The following DLGAP1 variants were observed in gnomAD, a reference collection of about 807,000 sequenced individuals.
DLGAP1 encodes disks large-associated protein 1.
Under a neutral mutation model 90.8 loss-of-function variants are expected in DLGAP1, and 11 were observed. The observed-to-expected ratio is 0.12, with a 90% CI of 0.08 to 0.20. The LOEUF (loss-of-function observed/expected upper bound fraction) is 0.20, where lower values mean the gene tolerates loss of function less well. Among genes scored for constraint, DLGAP1 ranks in the 10% least tolerant of loss-of-function variants. DLGAP1 has a pLI of 1.00. For synonymous variants in DLGAP1, 558 were observed against 540.7 expected (o/e 1.03, Z -0.44); for missense variants, 1,050 against 1,333.8 (o/e 0.79, Z 3.31).
chr18:4,096,176 C>T (rs1568394236), intron 2 of DLGAP1, among the ~76,000 whole-genome samples: 1 of 152,098 alleles, frequency 6.6e-6, no homozygotes, highest in East Asian at 1.9e-4. Context: ...CAGGTGTGTG[C>T]CACTACGCTT....
At chr18:4,307,667 C>T (rs1014638286) in intron 1 of DLGAP1, among the ~76,000 whole-genome samples, 17 of 151,870 alleles carry the variant, frequency 1.1e-4, no homozygotes, top group African/African-American at 4.1e-4. Context: ...GCACTCTGCC[C>T]CGCCAGCACT....
chr18:4,091,899 T>C (rs907504781), intron 2 of DLGAP1, among the ~76,000 whole-genome samples: 1 of 152,180 alleles, frequency 6.6e-6, no homozygotes, highest in African/African-American at 2.4e-5. Context: ...ATGTTTTTTT[T>C]TTTCCACATG....
rs2082570642 is a variant in DLGAP1, at chr18:4,402,208, T to C, written c.-267+52798A>G. On this transcript the variant is annotated intron_variant, in intron 1 of 12. Transcript: ENST00000315677. ...ACCTAATCAGAAGTCAATGTCTTCA[T>C]GTAATCTAGCTATGATAATATTAAC... 5.3e-5 allele frequency among the ~76,000 whole-genome samples: 8 copies of C among 152,214 alleles called. 1 individual carries two copies. The South Asian group carries it at 1.2e-3, about 24-fold the overall frequency.
intron 1 of DLGAP1, among the ~76,000 whole-genome samples, chr18:4,305,552 GGAAAAA>G (rs1478072763): frequency 2.2e-4 from 32 of 142,526 alleles, no homozygotes; most frequent in African/African-American, 7.8e-4. Flanking sequence ...AAAAAAAAAA[GGAAAAA>G]GAAAAAGAAA....
chr18:4,211,382 T>C (rs2077837319), intron 1 of DLGAP1, among the ~76,000 whole-genome samples: 1 of 152,202 alleles, frequency 6.6e-6, no homozygotes, highest in South Asian at 2.1e-4. Flanking sequence ...TGAATATGTA[T>C]GAACTCTTTT....
At chr18:4,392,667 A>G (rs1335010307) in intron 1 of DLGAP1, among the ~76,000 whole-genome samples, 2 of 152,198 alleles carry the variant, frequency 1.3e-5, no homozygotes, top group Non-Finnish European at 2.9e-5. Flanking sequence ...ATAACTGTAC[A>G]GTCTACAGTG....
intron 4 of DLGAP1, among the ~76,000 whole-genome samples, chr18:3,878,479 C>T (rs976518201): frequency 1.3e-5 from 2 of 152,116 alleles, no homozygotes; most frequent in Non-Finnish European, 2.9e-5. Context: ...TTTTCCTCCT[C>T]CTCTCTGTTG....
chr18:4,133,354 C>A (rs1458737163), intron 2 of DLGAP1, among the ~76,000 whole-genome samples: 2 of 152,174 alleles, frequency 1.3e-5, no homozygotes, highest in Non-Finnish European at 2.9e-5. Flanking sequence ...ATCCATTCAC[C>A]ATTTGCCTAT....
At chr18:4,209,036 C>T (rs189723041) in intron 1 of DLGAP1, among the ~76,000 whole-genome samples, 69 of 152,176 alleles carry the variant, frequency 4.5e-4, no homozygotes, top group Non-Finnish European at 7.1e-4. Context: ...CAGGTGAGGC[C>T]GGGTGGAAAG....
At chr18:4,160,022 C>T (rs868093629) in intron 1 of DLGAP1, among the ~76,000 whole-genome samples, 7 of 152,260 alleles carry the variant, frequency 4.6e-5, no homozygotes, top group South Asian at 2.1e-4. Flanking sequence ...ACAGAAAGTG[C>T]GTAATGACTC....
intron 2 of DLGAP1, among the ~76,000 whole-genome samples, chr18:4,074,242 TA>T (rs1208732156): frequency 6.6e-6 from 1 of 152,126 alleles, no homozygotes; most frequent in East Asian, 1.9e-4. Context: ...TGTGCATCAG[TA>T]AATTTTTTTG....
chr18:4,447,592 G>A (rs2083699545), intron 1 of DLGAP1, among the ~76,000 whole-genome samples: 1 of 152,034 alleles, frequency 6.6e-6, no homozygotes, highest in Non-Finnish European at 1.5e-5. Context: ...CCATCTGGGT[G>A]GTGGACACAA....
chr18:4,230,298 G>A (rs1288141667), intron 1 of DLGAP1, among the ~76,000 whole-genome samples: 2 of 152,046 alleles, frequency 1.3e-5, no homozygotes, highest in Non-Finnish European at 2.9e-5. Context: ...TGCAAAGAAA[G>A]TGAATTCGTA....
chr18:4,326,746 T>C (rs1200075573), intron 1 of DLGAP1, among the ~76,000 whole-genome samples: 2 of 151,936 alleles, frequency 1.3e-5, no homozygotes, highest in African/African-American at 2.4e-5. Context: ...CAAACTAACA[T>C]AGGGACAGAA....
chr18:3,974,574 C>T (rs1329247879), intron 3 of DLGAP1, among the ~76,000 whole-genome samples: 1 of 152,184 alleles, frequency 6.6e-6, no homozygotes, highest in Non-Finnish European at 1.5e-5. Context: ...AGCATGGCCA[C>T]TGTTTGCTTT....
chr18:3,674,606 C>G (rs1045946181), intron 7 of DLGAP1, among the ~76,000 whole-genome samples: 2 of 144,816 alleles, frequency 1.4e-5, no homozygotes, highest in African/African-American at 5.7e-5. Context: ...GGTGACAGAG[C>G]AAGACCCTAT....
chr18:4,166,503 T>A (rs192587511), intron 1 of DLGAP1, among the ~76,000 whole-genome samples: 2 of 152,266 alleles, frequency 1.3e-5, no homozygotes, highest in East Asian at 3.9e-4. Flanking sequence ...AGGTCGTTCC[T>A]CAACAAATTA....
chr18:3,719,215 G>A (rs2061877953), intron 7 of DLGAP1, among the ~76,000 whole-genome samples: 1 of 152,052 alleles, frequency 6.6e-6, no homozygotes, highest in Non-Finnish European at 1.5e-5. Flanking sequence ...TTGTGGTGAT[G>A]GAATGGTTCT....
In DLGAP1 at chr18:3,982,946, TTAAAGAG is replaced by T. The variant is rs1271542764; in HGVS notation, c.-73+22163_-73+22169del. Among the ~76,000 whole-genome samples, 4 of 152,286 alleles carry T rather than the reference TTAAAGAG, an allele frequency of 2.6e-5. No individual in the cohort carries two copies. In the East Asian group the frequency reaches 7.7e-4, roughly 29 times the overall value. On this transcript the variant is annotated intron_variant, in intron 3 of 12. Coordinates refer to ENST00000315677, the MANE Select transcript of DLGAP1 (RefSeq NM_004746.4). ...AATTACTAAAACCTTCATATGATGA[TTAAAGAG>T]TAAAGTGGTTTCACTATTGCTTGTA...
Sources: gnomAD v4.1 joint callset for allele counts (sites outside exome capture counted in the v4.1 genomes callset) on GRCh38, gnomAD v4.1.1 for gene constraint, MANE v1.5 for transcripts, NCBI Gene and HGNC (gene_info 2026-07-23, HGNC 2026-07-21) for gene names.